Variants in TAFA1 observed in about 807,000 individuals in gnomAD.
TAFA1 encodes chemokine-like protein TAFA-1.
TAFA1 carries 4 observed loss-of-function variants against 18.5 expected under a neutral mutation model. The ratio of observed to expected loss-of-function variants is 0.22; its 90% CI spans 0.11 to 0.49. The LOEUF is 0.49. Among genes scored for constraint, TAFA1 ranks in the 20% least tolerant of loss-of-function variants. TAFA1 has a pLI of 0.98. For missense variants in TAFA1, 147 were observed against 169.0 expected (o/e 0.87, Z 0.72); for synonymous variants, 56 against 55.2 (o/e 1.01, Z -0.06).
chr3:68,256,031 A>G (rs2067292126), intron 2 of TAFA1, among the ~76,000 whole-genome samples: 1 of 152,096 alleles, frequency 6.6e-6, no homozygotes, highest in African/African-American at 2.4e-5. Context: ...TGATAAATAG[A>G]TACTATTTAT....
At chr3:68,333,476 A>C (rs1003150494) in intron 2 of TAFA1, among the ~76,000 whole-genome samples, 3 of 152,118 alleles carry the variant, frequency 2.0e-5, no homozygotes, top group Non-Finnish European at 2.9e-5. Context: ...GACCTACTTG[A>C]GTGTAGAGGG....
chr3:68,539,787 TCTCA>T (rs1384218098), intron 4 of TAFA1, among the ~76,000 whole-genome samples: 7 of 145,406 alleles, frequency 4.8e-5, no homozygotes. Context: ...GAGAGGGGGG[TCTCA>T]CTCTGTTGCC....
rs182493887 is a variant in TAFA1 at position 68,004,248 on chromosome 3, G to C, written c.-458G>C. ...TAGAGCGGAGGGATGTATTGAAACA[G>C]ACTACTGCTACTTACAGCACCGTAT... On this transcript the variant is annotated 5_prime_UTR_variant, in exon 1 of 5. Transcript: ENST00000478136. 6.6e-6 allele frequency: 1 copy of C among 152,276 alleles called. No homozygotes were observed. The highest frequency in any genetic ancestry group is 1.9e-4 in the East Asian group (1 of 5,178). 9.4% of individuals were successfully genotyped at this position (152,276 alleles called of 1,614,324 possible). A position where few individuals can be genotyped will look rare whatever the true frequency, so the allele number is the denominator to read the frequency against.
At chr3:68,053,962 C>T (rs1442001437) in intron 2 of TAFA1, among the ~76,000 whole-genome samples, 1 of 152,120 alleles carries the variant, frequency 6.6e-6, no homozygotes, top group Non-Finnish European at 1.5e-5. Context: ...ACCTTGGCTT[C>T]TCAAAGCACT....
At chr3:68,149,379 C>T (rs2065779349) in intron 2 of TAFA1, among the ~76,000 whole-genome samples, 1 of 152,136 alleles carries the variant, frequency 6.6e-6, no homozygotes, top group South Asian at 2.1e-4. Context: ...TACAGGAATA[C>T]CTGAGACTGG....
chr3:68,483,695 A>G (rs895915552), intron 3 of TAFA1, among the ~76,000 whole-genome samples: 9 of 152,222 alleles, frequency 5.9e-5, no homozygotes, highest in Non-Finnish European at 1.2e-4. Context: ...CCTCCCTGAA[A>G]CAGATTCTGT....
chr3:68,316,828 C>A (rs2068613216), intron 2 of TAFA1, among the ~76,000 whole-genome samples: 1 of 152,136 alleles, frequency 6.6e-6, no homozygotes, highest in African/African-American at 2.4e-5. Context: ...GATTTGGTTA[C>A]TTCTTGGTCT....
At chr3:68,060,423 T>G (rs2064588107) in intron 2 of TAFA1, among the ~76,000 whole-genome samples, 1 of 152,182 alleles carries the variant, frequency 6.6e-6, no homozygotes. Context: ...CAACTTCAAG[T>G]TAGCCTGGGG....
chr3:68,516,162 A>G (rs1258012072), intron 3 of TAFA1, among the ~76,000 whole-genome samples: 1 of 152,226 alleles, frequency 6.6e-6, no homozygotes, highest in African/African-American at 2.4e-5. Context: ...TCCTTTAAGA[A>G]TATTGTAGGT....
At chr3:68,140,411 T>A (rs1229800737) in intron 2 of TAFA1, among the ~76,000 whole-genome samples, 1 of 152,226 alleles carries the variant, frequency 6.6e-6, no homozygotes, top group African/African-American at 2.4e-5. Flanking sequence ...TACTGCATTT[T>A]CCAATGAGGA....
chr3:68,022,832 T>C (rs201480300), intron 2 of TAFA1, among the ~76,000 whole-genome samples: 1 of 41,376 alleles, frequency 2.4e-5, no homozygotes, highest in Non-Finnish European at 4.6e-5. Flanking sequence ...TTATATATAA[T>C]ATATATATAT....
intron 2 of TAFA1, among the ~76,000 whole-genome samples, chr3:68,241,518 T>C (rs903137098): frequency 6.6e-6 from 1 of 152,182 alleles, no homozygotes; most frequent in African/African-American, 2.4e-5. Context: ...AATAGTACTT[T>C]AGAGTGAAAA....
intron 2 of TAFA1, among the ~76,000 whole-genome samples, chr3:68,319,945 C>A (rs1157813771): frequency 6.6e-6 from 1 of 152,018 alleles, no homozygotes; most frequent in Non-Finnish European, 1.5e-5. Context: ...TTTGATAAAG[C>A]AAGTGATGAG....
chr3:68,510,242 C>T lies in TAFA1; in HGVS notation c.260-28514C>T, dbSNP rs148611696. On this transcript the variant is annotated intron_variant, in intron 3 of 4. Transcript: ENST00000478136. ...CTGCTACCTTAGTATCCATTGCTGT[C>T]TTTGCAATAGGACATATTATACTCA... Among the ~76,000 whole-genome samples, 1,298 of 152,224 alleles carry T rather than the reference C, an allele frequency of 8.5e-3. 14 individuals are homozygous for T. The highest frequency in any genetic ancestry group is 0.03 in the African/African-American group (1,232 of 41,528).
chr3:68,096,068 T>G (rs2065083710), intron 2 of TAFA1, among the ~76,000 whole-genome samples: 1 of 152,040 alleles, frequency 6.6e-6, no homozygotes, highest in African/African-American at 2.4e-5. Flanking sequence ...ATTCTCCCCC[T>G]CCCACTCACA....
intron 3 of TAFA1, among the ~76,000 whole-genome samples, chr3:68,538,283 T>A (rs1008399906): frequency 6.6e-6 from 1 of 152,238 alleles, no homozygotes; most frequent in African/African-American, 2.4e-5. Flanking sequence ...TACTTCTATA[T>A]CTTAAGAGAA....
chr3:68,511,286 G>A (rs1289925717), intron 3 of TAFA1, among the ~76,000 whole-genome samples: 1 of 152,122 alleles, frequency 6.6e-6, no homozygotes, highest in Non-Finnish European at 1.5e-5. Flanking sequence ...TGAAGTAACA[G>A]GTATGAAAAC....
chr3:68,032,425 A>C (rs971749966), intron 2 of TAFA1, among the ~76,000 whole-genome samples: 2 of 152,130 alleles, frequency 1.3e-5, no homozygotes, highest in Non-Finnish European at 2.9e-5. Context: ...GCTCATTTCA[A>C]CTCACTCACA....
In TAFA1 at chr3:68,475,555, A is replaced by G. The variant is rs571350379; in HGVS notation, c.259+58135A>G. 3.0e-3 allele frequency among the ~76,000 whole-genome samples: 461 copies of G among 152,246 alleles called. 1 individual carries two copies. Among genetic ancestry groups the G allele is most frequent in the African/African-American group, 0.011 (450 of 41,544 alleles). Reference sequence around the variant, plus strand: ...GTGCCACATTTTCTTAATCCAGTCTATCATTGTTGGACATTTGGGTTGGTT... The same window carrying G: ...GTGCCACATTTTCTTAATCCAGTCTGTCATTGTTGGACATTTGGGTTGGTT... On this transcript the variant is annotated intron_variant, in intron 3 of 4. Coordinates refer to ENST00000478136, the MANE Select transcript of TAFA1 (RefSeq NM_213609.4).
Sources: gnomAD v4.1 joint callset for allele counts (sites outside exome capture counted in the v4.1 genomes callset) on GRCh38, gnomAD v4.1.1 for gene constraint, MANE v1.5 for transcripts, NCBI Gene and HGNC (gene_info 2026-07-23, HGNC 2026-07-21) for gene names.